SPTBN5: variants seen among roughly 807,000 people sequenced by gnomAD.
SPTBN5 encodes spectrin beta chain, non-erythrocytic 5.
Under a neutral mutation model 477.6 loss-of-function variants are expected in SPTBN5, and 513 were observed. The ratio of observed to expected loss-of-function variants is 1.07; its 90% CI spans 1.00 to 1.16. SPTBN5 has a LOEUF of 1.16. SPTBN5 is among the 50% of genes most tolerant of loss of function. The pLI is 0.00. For missense variants in SPTBN5, 5,062 were observed against 4,731.8 expected (o/e 1.07, Z -2.05); for synonymous variants, 2,169 against 2,011.7 (o/e 1.08, Z -2.09).
intron 21 of SPTBN5, 57 bp downstream of exon 21, chr15:41,876,057 T>A: frequency 6.4e-7 from 1 of 1,558,416 alleles, no homozygotes; most frequent in South Asian, 1.1e-5. Context: ...GGTGGTGCAG[T>A]AGGGTTGGGA....
At chr15:41,856,712 C>T in intron 52 of SPTBN5, 114 bp from the exon 53 acceptor site, 3 of 1,338,076 alleles carry the variant, frequency 2.2e-6, no homozygotes, top group Non-Finnish European at 3.0e-6. Context: ...GTTCCCTGTC[C>T]CCATGACTCC....
intron 55 of SPTBN5, 39 bp from the exon 56 acceptor site, chr15:41,855,015 G>T (rs765599404): frequency 4.7e-6 from 7 of 1,502,840 alleles, no homozygotes; most frequent in Non-Finnish European, 5.3e-6. Flanking sequence ...ACTTGAGATG[G>T]TATCATGAGC....
chr15:41,856,602 C>CG lies in SPTBN5; in HGVS notation c.8809-5dup. On this transcript the variant is annotated splice_polypyrimidine_tract_variant and splice_region_variant and intron_variant, in intron 52 of 67. Coordinates refer to ENST00000320955, the MANE Select transcript of SPTBN5 (RefSeq NM_016642.4). ...TGCTCATCTCACTCTCCAGGTTCTG[C>CG]GGGGGAGGAGGCAGGAGGATGCGGA... 6.4e-7 allele frequency: 1 copy of CG among 1,573,736 alleles called. No individual in the cohort carries two copies. The highest frequency in any genetic ancestry group is 8.6e-7 in the Non-Finnish European group (1 of 1,165,872).
chr15:41,858,950 G>C lies in SPTBN5; in HGVS notation c.8019C>G (p.Thr2673=). 1 of 1,587,314 alleles carries C rather than the reference G, an allele frequency of 6.3e-7. No homozygotes were observed. The highest frequency in any genetic ancestry group is 8.6e-7 in the Non-Finnish European group (1 of 1,165,290). The change falls in exon 48 of 68, where the codon ACC becomes ACG. Residue 2673 remains threonine (T), a synonymous_variant. Transcript: ENST00000320955. ...GGAGCTCCTCCAGGCGATGGCGGCG[G>C]GTCCCGGCTTGCCTGAAGAGCGCCT... ...RKEALFRQAG[T]RRHRLEELRQ...
At chr15:41,860,883 C>T (rs2066082588) in intron 46 of SPTBN5, 125 bp from the exon 47 acceptor site, 2 of 900,498 alleles carry the variant, frequency 2.2e-6, no homozygotes, top group Non-Finnish European at 3.1e-6. Flanking sequence ...CGCCCAAACA[C>T]ATCCCTCACA....
chr15:41,866,837 C>G, intron 36 of SPTBN5, 122 bp downstream of exon 36: 9 of 1,282,776 alleles, frequency 7.0e-6, no homozygotes, highest in Non-Finnish European at 9.4e-6. Flanking sequence ...TCCAGCACAG[C>G]CTCTGGGAAA....
In SPTBN5 at chr15:41,856,999, C is replaced by A; in HGVS notation, c.8662G>T (p.Ala2888Ser). 1 of 1,604,520 alleles carries A rather than the reference C, an allele frequency of 6.2e-7. No homozygotes were observed. The highest frequency in any genetic ancestry group is 8.5e-7 in the Non-Finnish European group (1 of 1,176,384). The stretch of plus-strand genomic sequence containing the variant: ...AAGAGGAGGCTCCGGGCCTCCAGGG[C>A]CGTCCTGCGCTCCTGCAGGGGCTCC... ...LREPLQERRT[A>S]LEARSLLLKF... is the part of the protein sequence containing the mutation. Residue 2888 changes from alanine (A) to serine (S), a missense_variant, in exon 52 of 68, where the codon GCC (alanine) becomes TCC (serine). Ala to Ser is a moderately conservative substitution (Grantham distance 99). Transcript: ENST00000320955.
Position 41,879,260 on chromosome 15 carries a change from T to G in SPTBN5, c.3182A>C (p.Lys1061Thr), listed in dbSNP as rs2066860919. The G allele has an allele frequency of 6.2e-7, 1 of 1,610,498 alleles. No homozygotes were observed. The highest frequency in any genetic ancestry group is 8.5e-7 in the Non-Finnish European group (1 of 1,178,918). The part of the protein sequence containing the change: ...RVHFLQSVVV[K>T]VEEPGYAESQ... ...AATGCCACCACTGCGCTGGCCGTAC[T>G]TTACGACCACACTTTGGAGGAAGTG... Residue 1061 changes from lysine to threonine, a missense_variant and splice_region_variant, in exon 16 of 68, where the codon AAG becomes ACG. Coordinates refer to ENST00000320955, the MANE Select transcript of SPTBN5 (RefSeq NM_016642.4).
Position 41,869,999 on chromosome 15 carries a change from C to T in SPTBN5, c.5695G>A (p.Ala1899Thr). Reference sequence around the variant, plus strand: ...GGACACAGCTTCTGCACCCTGCCTGCAGTCTCCAGCAGTTCCTGCAGCTGC... The same window carrying T: ...GGACACAGCTTCTGCACCCTGCCTGTAGTCTCCAGCAGTTCCTGCAGCTGC... ...ERQLQELLET[A>T]GRVQKLCPGP... Residue 1899 changes from alanine to threonine, a missense_variant, in exon 32 of 68, where the codon GCA becomes ACA. By Grantham distance (58) the Ala-to-Thr change is moderately conservative. Coordinates refer to ENST00000320955, the MANE Select transcript of SPTBN5 (RefSeq NM_016642.4). The T allele has an allele frequency of 6.7e-7, 1 of 1,502,910 alleles. No individual in the cohort carries two copies. The highest frequency in any genetic ancestry group is 8.9e-7 in the Non-Finnish European group (1 of 1,124,684). The allele number at this position is 1,502,910 out of a possible 1,614,324, so 93.1% of individuals were successfully genotyped here.
rs780253555 is a variant in SPTBN5 at position 41,853,428 on chromosome 15, G to A, written c.10000C>T (p.Gln3334Ter). 1 of 1,589,342 alleles carries A rather than the reference G, an allele frequency of 6.3e-7. No homozygotes were observed. The highest frequency in any genetic ancestry group is 2.3e-5 in the East Asian group (1 of 43,938). Residue 3334 changes from glutamine to a stop codon, truncating the protein, a stop_gained, in exon 59 of 68, where the codon CAG becomes TAG. Coordinates refer to ENST00000320955, the MANE Select transcript of SPTBN5 (RefSeq NM_016642.4). LOFTEE classifies it high-confidence loss of function. ...AGCTCCTCGGAGGACGCCAGCTCCTGCCTCTCCTGTGCCCATGCTCTGTGG... is the reference window on the plus strand; with the variant it reads ...AGCTCCTCGGAGGACGCCAGCTCCTACCTCTCCTGTGCCCATGCTCTGTGG... ...QELLAWAQER[Q>*]ELASSEELAE...
Position 41,887,326 on chromosome 15 carries a change from C to A in SPTBN5, c.775G>T (p.Asp259Tyr). The change falls in exon 6 of 68, where the codon GAC becomes TAC. Residue 259 changes from aspartate (D) to tyrosine (Y), a missense_variant. By Grantham distance (160) the Asp-to-Tyr change is radical. Transcript: ENST00000320955. ...TCATCTGGCTGTGCGGCTGCCACGT[C>A]CTCGGGGTCCAGCAGCTGAGCAATG... is the stretch of plus-strand genomic sequence containing the variant. ...LGIAQLLDPE[D>Y]VAAAQPDERS... 6.4e-7 allele frequency: 1 copy of A among 1,551,596 alleles called. No individual in the cohort carries two copies. The highest frequency in any genetic ancestry group is 8.7e-7 in the Non-Finnish European group (1 of 1,147,148).
chr15:41,883,362 G>A lies in SPTBN5; in HGVS notation c.1645C>T (p.Leu549=), dbSNP rs981362202. ...LQEVEAASHQ[L]EELQEPARST... ...CCAGTGCCCACCTGCAGCTCCTCCA[G>A]CTGGTGGGAGGCAGCCTCCACCTCC... Residue 549 remains leucine, a synonymous_variant, in exon 8 of 68, where the codon CTG becomes TTG. Transcript: ENST00000320955. 3.1e-6 allele frequency: 5 copies of A among 1,613,360 alleles called. No homozygotes were observed. Among genetic ancestry groups the A allele is most frequent in the Non-Finnish European group, 4.2e-6 (5 of 1,179,804 alleles).
intron 29 of SPTBN5, 63 bp from the exon 30 acceptor site, chr15:41,870,623 C>A: frequency 7.1e-7 from 1 of 1,405,410 alleles, no homozygotes; most frequent in South Asian, 1.2e-5. Flanking sequence ...TTCCTCCCTC[C>A]CGCTAGGTCT....
At position 41,865,802 on chromosome 15, in the gene SPTBN5, TCTTACCC is replaced by T. The variant is rs1279009409; in HGVS notation, c.6917_6918+5del. On this transcript the variant is annotated splice_donor_variant and splice_donor_5th_base_variant and coding_sequence_variant and intron_variant, in exon 39 of 68. Coordinates refer to ENST00000320955, the MANE Select transcript of SPTBN5 (RefSeq NM_016642.4). LOFTEE classifies it high-confidence loss of function. ...GGCCAACCTCTACCCAGCAAGGCCC[TCTTACCC>T]CGGCCGAGTTTCCTCGGAACTCGCG... 6.4e-7 allele frequency: 1 copy of T among 1,555,002 alleles called. No homozygotes were observed. Among genetic ancestry groups the T allele is most frequent in the Non-Finnish European group, 8.7e-7 (1 of 1,149,818 alleles).
Position 41,880,260 on chromosome 15 carries a change from G to C in SPTBN5, c.2711C>G (p.Ser904Cys). ...EAMALFGFCS[S>C]CGELQLWLEK... The stretch of plus-strand genomic sequence containing the variant: ...CAGCCACAACTGGAGCTCCCCACAG[G>C]AACTGCAGAAACCGAACAGGGCCAT... Residue 904 changes from serine (S) to cysteine (C), a missense_variant, in exon 14 of 68, where the codon TCC becomes TGC. Physicochemically the swap from Ser to Cys is moderately radical, Grantham distance 112. Coordinates refer to ENST00000320955, the MANE Select transcript of SPTBN5 (RefSeq NM_016642.4). 6 of 1,607,884 alleles carry C rather than the reference G, an allele frequency of 3.7e-6. No homozygotes were observed. Among genetic ancestry groups the C allele is most frequent in the Non-Finnish European group, 5.1e-6 (6 of 1,177,722 alleles).
At position 41,862,639 on chromosome 15, in the gene SPTBN5, G is replaced by A. The variant is rs762574016; in HGVS notation, c.7285C>T (p.Arg2429Cys). 33 of 1,555,166 alleles carry A rather than the reference G, an allele frequency of 2.1e-5. No homozygotes were observed. Among genetic ancestry groups the A allele is most frequent in the East Asian group, 1.4e-4 (6 of 41,804 alleles). ...QVESLEREVG[R>C]LCQRSPEAAH... ...GCCTCGGGGCTTCTTTGGCAGAGGC[G>A]GCCCACTTCACGCTCTAGGGACTGC... Residue 2429 changes from arginine (R) to cysteine (C), a missense_variant, in exon 43 of 68, where the codon CGC (arginine) becomes TGC (cysteine). Arg to Cys is a radical substitution (Grantham distance 180). Transcript: ENST00000320955.
Position 41,861,412 on chromosome 15 carries a change from C to T in SPTBN5, c.7815+7G>A, listed in dbSNP as rs754405124. Reference sequence around the variant, plus strand: ...CCCCCTCCTGCCCATTCCTGCTGGGCACCTACCCATAGACCCTCACTGGCT... The same window carrying T: ...CCCCCTCCTGCCCATTCCTGCTGGGTACCTACCCATAGACCCTCACTGGCT... On this transcript the variant is annotated splice_region_variant and intron_variant, in intron 46 of 67. Transcript: ENST00000320955. The T allele has an allele frequency of 1.2e-5, 19 of 1,611,764 alleles. No individual in the cohort carries two copies. Among genetic ancestry groups the T allele is most frequent in the South Asian group, 2.2e-5 (2 of 91,054 alleles).
Position 41,879,631 on chromosome 15 carries a change from C to T in SPTBN5, c.2942+103G>A, listed in dbSNP as rs572324798. On this transcript the variant is annotated intron_variant, in intron 15 of 67. Coordinates refer to ENST00000320955, the MANE Select transcript of SPTBN5 (RefSeq NM_016642.4). Reference sequence around the variant, plus strand: ...TTGCCCCTTCCCTGTGCCTCGGACACGTCCAGCCTCTCCATCTGGCATGGC... The same window carrying T: ...TTGCCCCTTCCCTGTGCCTCGGACATGTCCAGCCTCTCCATCTGGCATGGC... 6.2e-5 allele frequency: 99 copies of T among 1,584,822 alleles called. No homozygotes were observed. The East Asian group carries it at 6.3e-4, about 10-fold the overall frequency.
chr15:41,882,612 C>A lies in SPTBN5; in HGVS notation c.2019G>T (p.Gln673His). ...GNAALGRDLS[Q>H]IAGALQKHKA... ...TGTGTTTCTGCAGGGCGCCTGCGAT[C>A]TGGCTGAGATCCCGGCCCAGGGCCG... is the stretch of plus-strand genomic sequence containing the variant. The change falls in exon 10 of 68, where the codon CAG becomes CAT. Residue 673 changes from glutamine (Q) to histidine (H), a missense_variant. By Grantham distance (24) the Gln-to-His change is conservative (BLOSUM62 0). Coordinates refer to ENST00000320955, the MANE Select transcript of SPTBN5 (RefSeq NM_016642.4). 1 of 1,605,430 alleles carries A rather than the reference C, an allele frequency of 6.2e-7. No individual in the cohort carries two copies. Among genetic ancestry groups the A allele is most frequent in the Non-Finnish European group, 8.5e-7 (1 of 1,177,104 alleles).
Sources: allele counts gnomAD v4.1 joint callset, GRCh38; gene constraint gnomAD v4.1.1; transcripts MANE v1.5; gene names NCBI Gene and HGNC (gene_info 2026-07-23, HGNC 2026-07-21).